Variants in TTC21B observed in about 807,000 individuals in gnomAD.
TTC21B encodes tetratricopeptide repeat domain 21B.
A neutral mutation model predicts 175.1 loss-of-function variants in TTC21B; 127 were observed. The observed-to-expected ratio is 0.73, with a 90% confidence interval of 0.63 to 0.84. TTC21B has a LOEUF of 0.84. Ranked by LOEUF, TTC21B falls within the 40% of genes least tolerant of loss-of-function variation. The pLI, the probability that TTC21B is intolerant of heterozygous loss-of-function variation, is 0.00. For synonymous variants in TTC21B, 524 were observed against 524.5 expected, an observed-to-expected ratio of 1.00 and a Z score of 0.01; for missense variants, 1,561 against 1,558.3, an observed-to-expected ratio of 1.00 and a Z score of -0.03.
chr2:165,945,168 A>C (rs1193087749), intron 4 of TTC21B, among the ~76,000 whole-genome samples: 1 of 152,206 alleles, frequency 6.6e-6, no homozygotes, highest in Admixed American at 6.5e-5. Flanking sequence ...TATTAACAGT[A>C]CAAATAATGG....
At chr2:165,945,070 T>C (rs540431947) in intron 4 of TTC21B, among the ~76,000 whole-genome samples, 1 of 152,356 alleles carries the variant, frequency 6.6e-6, no homozygotes, top group South Asian at 2.1e-4. Flanking sequence ...CTATCATTTT[T>C]CTCACAATAT....
rs144103331 is a variant in TTC21B, at chr2:165,890,593, C to T, written c.3149G>A (p.Arg1050Gln). Reference sequence around the variant, plus strand: ...ATTTTGGCCCCAGTCACGATCTTTCCGAGCTTTATTAAAATGTCGAAGGGC... The same window carrying T: ...ATTTTGGCCCCAGTCACGATCTTTCTGAGCTTTATTAAAATGTCGAAGGGC... ...NDALRHFNKA[R>Q]KDRDWGQNAL... Residue 1050 changes from arginine (R) to glutamine (Q), a missense_variant, in exon 24 of 29, where the codon CGG becomes CAG. Coordinates refer to ENST00000243344, the MANE Select transcript of TTC21B (RefSeq NM_024753.5). The T allele has an allele frequency of 1.6e-5, 26 of 1,613,584 alleles. 1 individual carries two copies. Among genetic ancestry groups the T allele is most frequent in the South Asian group, 9.9e-5 (9 of 91,070 alleles).
Position 165,890,514 on chromosome 2 carries a change from T to C in TTC21B, c.3228A>G (p.Gly1076=). 1 of 1,613,624 alleles carries C rather than the reference T, an allele frequency of 6.2e-7. No homozygotes were observed. The highest frequency in any genetic ancestry group is 8.5e-7 in the Non-Finnish European group (1 of 1,179,704). The stretch of plus-strand genomic sequence containing the variant: ...CATCCAGGTTTTCAAATACTTCACC[T>C]CCAACAGTTTCATTATCTGGATTCA... The part of the protein sequence containing the change: ...ICLNPDNETV[G]GEVFENLDGD... Residue 1076 remains glycine (G), a synonymous_variant, in exon 24 of 29, where the codon GGA becomes GGG. Coordinates refer to ENST00000243344, the MANE Select transcript of TTC21B (RefSeq NM_024753.5).
At chr2:165,900,952 A>C (rs1043924072) in intron 20 of TTC21B, among the ~76,000 whole-genome samples, 2 of 140,790 alleles carry the variant, frequency 1.4e-5, no homozygotes, top group Admixed American at 7.4e-5. Context: ...CCCAGGCTGT[A>C]GTACAGTGGC....
At chr2:165,936,320 T>A (rs149317806) in intron 6 of TTC21B, among the ~76,000 whole-genome samples, 2,307 of 152,022 alleles carry the variant, frequency 0.015, 31 homozygotes, top group Non-Finnish European at 0.02. Flanking sequence ...CTGAAATAGA[T>A]CACAGAGCTA....
chr2:165,909,140 G>C (rs1685845907), intron 18 of TTC21B, among the ~76,000 whole-genome samples: 1 of 151,974 alleles, frequency 6.6e-6, no homozygotes, highest in Non-Finnish European at 1.5e-5. Context: ...ATATGAAGGA[G>C]TTTATTATAA....
intron 18 of TTC21B, 146 bp downstream of exon 18, chr2:165,911,181 G>A: frequency 2.2e-6 from 2 of 911,736 alleles, no homozygotes; most frequent in Non-Finnish European, 3.4e-6. Context: ...TAGTAGAGTG[G>A]CATTCTGATA....
chr2:165,898,620 A>C (rs1685449997), intron 22 of TTC21B, 66 bp downstream of exon 22: 9 of 1,111,792 alleles, frequency 8.1e-6, no homozygotes, highest in Non-Finnish European at 1.1e-5. Context: ...ATAACCACTA[A>C]ACAGAAGAAA....
rs997432620 is a variant in TTC21B at position 165,873,955 on chromosome 2, A to G, written c.*800T>C. The G allele has an allele frequency of 9.9e-5, 15 of 152,018 alleles. No homozygotes were observed. Among genetic ancestry groups the G allele is most frequent in the African/African-American group, 3.6e-4 (15 of 41,454 alleles). 9.4% of individuals were successfully genotyped at this position (152,018 alleles called of 1,614,324 possible). A position where few individuals can be genotyped will look rare whatever the true frequency, so the allele number is the denominator to read the frequency against. On this transcript the variant is annotated 3_prime_UTR_variant, in exon 29 of 29. Coordinates refer to ENST00000243344, the MANE Select transcript of TTC21B (RefSeq NM_024753.5). ...AGAGGAATATAAATCATCTATTTATAAAACCTTTATTAAAATATATATTTA... is the reference window on the plus strand; with the variant it reads ...AGAGGAATATAAATCATCTATTTATGAAACCTTTATTAAAATATATATTTA...
chr2:165,941,726 C>A (rs185623247), intron 5 of TTC21B, among the ~76,000 whole-genome samples: 215 of 151,950 alleles, frequency 1.4e-3, no homozygotes, highest in African/African-American at 5.0e-3. Flanking sequence ...ATATTTATGG[C>A]AGAATTGTTT....
At chr2:165,886,772 G>T (rs1685011129) in intron 25 of TTC21B, among the ~76,000 whole-genome samples, 1 of 152,122 alleles carries the variant, frequency 6.6e-6, no homozygotes, top group Non-Finnish European at 1.5e-5. Flanking sequence ...CTTTCTCATT[G>T]TTATGAGATA....
chr2:165,889,668 A>T (rs1423156859), intron 24 of TTC21B, among the ~76,000 whole-genome samples: 2 of 151,946 alleles, frequency 1.3e-5, no homozygotes, highest in African/African-American at 4.8e-5. Flanking sequence ...CTGTTGTTGA[A>T]ATCTCTTGGC....
At chr2:165,918,771 T>C (rs1269743822) in intron 13 of TTC21B, among the ~76,000 whole-genome samples, 1 of 152,128 alleles carries the variant, frequency 6.6e-6, no homozygotes, top group African/African-American at 2.4e-5. Flanking sequence ...ATATAACACA[T>C]AATATCTTGG....
intron 22 of TTC21B, among the ~76,000 whole-genome samples, chr2:165,891,933 G>A (rs989358526): frequency 2.6e-5 from 4 of 151,914 alleles, no homozygotes; most frequent in African/African-American, 9.7e-5. Context: ...CAAAATAGAT[G>A]TTTATTTAAA....
In TTC21B at chr2:165,880,741, G is replaced by A. The variant is rs1253850709; in HGVS notation, c.3743C>T (p.Thr1248Ile). The change falls in exon 27 of 29, where the codon ACA (threonine) becomes ATA (isoleucine). Residue 1248 changes from threonine (T) to isoleucine (I), a missense_variant. Coordinates refer to ENST00000243344, the MANE Select transcript of TTC21B (RefSeq NM_024753.5). ...GYIMEKEQAY[T>I]DAALNYEMAW... ...CATCTCATAGTTCAAGGCAGCATCT[G>A]TATATGCTTGCTCTTTTTCCATAAT... 3.1e-6 allele frequency: 5 copies of A among 1,613,310 alleles called. No individual in the cohort carries two copies. The highest frequency in any genetic ancestry group is 4.2e-6 in the Non-Finnish European group (5 of 1,179,652).
chr2:165,899,058 T>C (rs1256311862), intron 21 of TTC21B, among the ~76,000 whole-genome samples: 1 of 152,122 alleles, frequency 6.6e-6, no homozygotes, highest in East Asian at 1.9e-4. Context: ...TTGAAAGGAA[T>C]TGCACACTCT....
chr2:165,878,831 G>A (rs770185850), intron 27 of TTC21B, among the ~76,000 whole-genome samples: 3 of 151,734 alleles, frequency 2.0e-5, no homozygotes, highest in Non-Finnish European at 4.4e-5. Context: ...ACAGGCGCCC[G>A]CCACCATGCC....
At chr2:165,902,660 C>G (rs1685607360) in intron 19 of TTC21B, among the ~76,000 whole-genome samples, 1 of 152,074 alleles carries the variant, frequency 6.6e-6, no homozygotes, top group East Asian at 1.9e-4. Context: ...ATATGTGTTT[C>G]AGTATGTCAG....
At chr2:165,948,760 G>C (rs1296450213) in intron 3 of TTC21B, 1 of 151,962 alleles carries the variant, frequency 6.6e-6, no homozygotes, top group African/African-American at 2.4e-5. Context: ...TAACTATGTT[G>C]CCCAGGCTGG....
Sources: gnomAD v4.1 joint callset for allele counts (sites outside exome capture counted in the v4.1 genomes callset) on GRCh38, gnomAD v4.1.1 for gene constraint, MANE v1.5 for transcripts, NCBI Gene and HGNC (gene_info 2026-07-23, HGNC 2026-07-21) for gene names.